The following CPQ variants were observed in gnomAD, a reference collection of about 807,000 sequenced individuals.
The protein encoded by CPQ is carboxypeptidase Q, also known as Ser-Met dipeptidase.
CPQ carries 37 observed loss-of-function variants against 45.7 expected under a neutral mutation model. The observed-to-expected ratio is 0.81, with a 90% CI of 0.62 to 1.07. The LOEUF is 1.07. Among genes scored for constraint, CPQ ranks in the 50% least tolerant of loss-of-function variants. CPQ has a pLI of 0.00. For missense variants in CPQ, 537 were observed against 572.9 expected (o/e 0.94, Z 0.64); for synonymous variants, 186 against 205.8 (o/e 0.90, Z 0.82).
intron 4 of CPQ, among the ~76,000 whole-genome samples, chr8:96,943,207 A>T (rs1420076888): frequency 6.6e-6 from 1 of 152,184 alleles, no homozygotes; most frequent in Non-Finnish European, 1.5e-5. Flanking sequence ...TAATTAGAAA[A>T]GCTGAATGAC....
chr8:96,801,733 C>T lies in CPQ; in HGVS notation c.433+16403C>T, dbSNP rs532746666. Among the ~76,000 whole-genome samples the T allele has an allele frequency of 2.9e-4, 44 of 152,244 alleles. 1 individual carries two copies. The South Asian group carries it at 9.1e-3, about 32-fold the overall frequency. The stretch of plus-strand genomic sequence containing the variant: ...AGAGTAGATGACTAAATAATGTAGG[C>T]TGATAGCATCAGGTATCCTTTTTAA... On this transcript the variant is annotated intron_variant, in intron 2 of 7. Coordinates refer to ENST00000220763, the MANE Select transcript of CPQ (RefSeq NM_016134.4).
chr8:96,658,385 T>C (rs1815661230), intron 1 of CPQ, among the ~76,000 whole-genome samples: 2 of 152,250 alleles, frequency 1.3e-5, no homozygotes, highest in African/African-American at 4.8e-5. Context: ...CACCATCACC[T>C]ATGTGACTTT....
At chr8:96,919,027 G>A (rs1272745332) in intron 4 of CPQ, among the ~76,000 whole-genome samples, 1 of 151,976 alleles carries the variant, frequency 6.6e-6, no homozygotes, top group Non-Finnish European at 1.5e-5. Context: ...TGCCCCATGG[G>A]TACATAAGTT....
At chr8:96,770,830 A>T (rs1246505411) in intron 1 of CPQ, among the ~76,000 whole-genome samples, 1 of 148,892 alleles carries the variant, frequency 6.7e-6, no homozygotes, top group Non-Finnish European at 1.5e-5. Flanking sequence ...AGGAGGTGAT[A>T]CCTGAATTAG....
chr8:97,044,888 G>A (rs1810208546), intron 6 of CPQ, among the ~76,000 whole-genome samples: 1 of 152,168 alleles, frequency 6.6e-6, no homozygotes, highest in Non-Finnish European at 1.5e-5. Flanking sequence ...GTGTCAGTCT[G>A]CCCCTACTGG....
At position 97,050,358 on chromosome 8, in the gene CPQ, C is replaced by T. The variant is rs1315871381; in HGVS notation, c.1054-15651C>T. Among the ~76,000 whole-genome samples, 3 of 152,088 alleles carry T rather than the reference C, an allele frequency of 2.0e-5. No homozygotes were observed. In the East Asian group the frequency reaches 5.8e-4, roughly 29 times the overall value. ...CTGTGTGATGAAGTTTGCATGTGGACAAACAATGACAATGAATATATGAAT... is the reference window on the plus strand; with the variant it reads ...CTGTGTGATGAAGTTTGCATGTGGATAAACAATGACAATGAATATATGAAT... On this transcript the variant is annotated intron_variant, in intron 6 of 7. Coordinates refer to ENST00000220763, the MANE Select transcript of CPQ (RefSeq NM_016134.4).
intron 1 of CPQ, among the ~76,000 whole-genome samples, chr8:96,771,984 A>G (rs544346103): frequency 3.5e-4 from 54 of 152,222 alleles, no homozygotes; most frequent in African/African-American, 1.3e-3. Context: ...TGGAAGAGAG[A>G]GACATTTAAG....
At chr8:96,877,944 ATTTGCAGTCCACCTTTTCTTTTCTTTTTT>A (rs1812169781) in intron 3 of CPQ, among the ~76,000 whole-genome samples, 1 of 151,858 alleles carries the variant, frequency 6.6e-6, no homozygotes, top group African/African-American at 2.4e-5. Context: ...GAATAATAAA[ATTTGCAGTCCACCTTTTCTTTTCTTTTTT>A]TTTTTCTGAG....
At chr8:97,131,690 A>G (rs1324165087) in intron 7 of CPQ, among the ~76,000 whole-genome samples, 1 of 152,178 alleles carries the variant, frequency 6.6e-6, no homozygotes, top group Non-Finnish European at 1.5e-5. Context: ...CCCTCTCTAA[A>G]ATAATTTTAT....
intron 7 of CPQ, among the ~76,000 whole-genome samples, chr8:97,130,291 A>G (rs994969963): frequency 6.6e-6 from 1 of 152,162 alleles, no homozygotes; most frequent in Non-Finnish European, 1.5e-5. Flanking sequence ...CGTCCCTGGC[A>G]TCTGCAGCAG....
intron 5 of CPQ, among the ~76,000 whole-genome samples, chr8:97,028,292 A>T (rs1055747448): frequency 2.0e-5 from 3 of 152,166 alleles, no homozygotes; most frequent in Non-Finnish European, 4.4e-5. Context: ...GGCAGGAGAG[A>T]GCTCTGTGTC....
chr8:96,740,857 C>T (rs538294236), intron 1 of CPQ, among the ~76,000 whole-genome samples: 41 of 152,174 alleles, frequency 2.7e-4, no homozygotes, highest in African/African-American at 8.0e-4. Context: ...CTGCTGGATT[C>T]GGTTTGCTAG....
At chr8:96,751,694 C>T (rs1284271899) in intron 1 of CPQ, among the ~76,000 whole-genome samples, 1 of 151,954 alleles carries the variant, frequency 6.6e-6, no homozygotes, top group Non-Finnish European at 1.5e-5. Flanking sequence ...TTGGTGTTTT[C>T]ATAATTAAAT....
chr8:96,808,751 G>T (rs1811118493), intron 2 of CPQ, among the ~76,000 whole-genome samples: 1 of 152,146 alleles, frequency 6.6e-6, no homozygotes, highest in South Asian at 2.1e-4. Flanking sequence ...GGGTCTCATG[G>T]TGACCAACAT....
Position 97,066,080 on chromosome 8 carries a change from C to T in CPQ, c.1125C>T (p.Phe375=). 3 of 1,611,752 alleles carry T rather than the reference C, an allele frequency of 1.9e-6. No homozygotes were observed. Among genetic ancestry groups the T allele is most frequent in the Non-Finnish European group, 2.5e-6 (3 of 1,179,358 alleles). ...AGTFLPTGLQ[F]TGSEKARAIM... is the part of the protein sequence containing the mutation. ...CCTTCTTACCCACTGGGCTGCAATT[C>T]ACTGGCAGTGAAAAGGCCAGGGCCA... is the stretch of plus-strand genomic sequence containing the variant. The change falls in exon 7 of 8, where the codon TTC becomes TTT. Residue 375 remains phenylalanine, a synonymous_variant. Transcript: ENST00000220763.
At chr8:97,029,708 C>G (rs1809863486) in intron 6 of CPQ, among the ~76,000 whole-genome samples, 1 of 149,688 alleles carries the variant, frequency 6.7e-6, no homozygotes, top group South Asian at 2.1e-4. Flanking sequence ...TCTTCTACAC[C>G]ACAGTCTGAG....
intron 3 of CPQ, among the ~76,000 whole-genome samples, chr8:96,844,166 T>C (rs927853620): frequency 1.3e-5 from 2 of 152,358 alleles, no homozygotes; most frequent in Non-Finnish European, 2.9e-5. Context: ...AAGGCAATGT[T>C]GTTTGCTTAT....
chr8:96,728,274 A>AT (rs561089795), intron 1 of CPQ, among the ~76,000 whole-genome samples: 4 of 152,154 alleles, frequency 2.6e-5, no homozygotes, highest in East Asian at 1.9e-4. Context: ...ATGGAATGAT[A>AT]TTTTTTTAAC....
intron 6 of CPQ, among the ~76,000 whole-genome samples, chr8:97,049,154 C>G (rs1810312225): frequency 6.6e-6 from 1 of 152,132 alleles, no homozygotes; most frequent in African/African-American, 2.4e-5. Context: ...TAAGAACCAG[C>G]AATTCTGGAC....
Sources: gnomAD v4.1 joint callset for allele counts (sites outside exome capture counted in the v4.1 genomes callset) on GRCh38, gnomAD v4.1.1 for gene constraint, MANE v1.5 for transcripts, NCBI Gene and HGNC (gene_info 2026-07-23, HGNC 2026-07-21) for gene names.